Variants in PHYHIPL observed in about 807,000 individuals in gnomAD.
PHYHIPL encodes the protein phytanoyl-CoA hydroxylase-interacting protein-like.
In PHYHIPL, 9 loss-of-function variants were observed where a neutral mutation model predicts 33.4. The ratio of observed to expected loss-of-function variants is 0.27; its 90% CI spans 0.16 to 0.47. The LOEUF (loss-of-function observed/expected upper bound fraction) is 0.47. Among genes scored for constraint, PHYHIPL ranks in the 20% least tolerant of loss-of-function variants. The probability of loss-of-function intolerance (pLI) is 0.99; values close to 1 mark genes in which losing one functional copy is unlikely to be tolerated. For missense variants in PHYHIPL, 365 were observed against 460.7 expected, an observed-to-expected ratio of 0.79 and a Z score of 1.90; for synonymous variants, 153 against 154.1, an observed-to-expected ratio of 0.99 and a Z score of 0.05.
upstream of PHYHIPL, among the ~76,000 whole-genome samples, chr10:59,176,169 A>AG (rs1838244867): frequency 6.6e-6 from 1 of 152,248 alleles, no homozygotes; most frequent in South Asian, 2.1e-4. Context: ...TGGGACCTTC[A>AG]GGGGAGGAGG....
At chr10:59,219,887 G>T (rs556977217) in intron 1 of PHYHIPL, among the ~76,000 whole-genome samples, 76 of 152,144 alleles carry the variant, frequency 5.0e-4, no homozygotes, top group Admixed American at 2.2e-3. Flanking sequence ...ACAAAATACA[G>T]GTCCCTACTG....
At position 59,206,714 on chromosome 10, in the gene PHYHIPL, A is replaced by G. The variant is rs143793209; in HGVS notation, c.107-27590A>G. The G allele has an allele frequency of 1.4e-4, 132 of 967,064 alleles. No individual in the cohort carries two copies. The East Asian group carries it at 6.4e-3, about 47-fold the overall frequency. 59.9% of individuals were successfully genotyped at this position (967,064 alleles called of 1,614,324 possible). A position where few individuals can be genotyped will look rare whatever the true frequency, so the allele number is the denominator to read the frequency against. ...GGGAGACAGAAAATTGTAAAAGTAC[A>G]TAACTAAAAGCTGTTATGCATTTCT... On this transcript the variant is annotated intron_variant, in intron 1 of 4. Transcript: ENST00000373880.
At chr10:59,201,831 A>T (rs1216356493) in intron 1 of PHYHIPL, among the ~76,000 whole-genome samples, 1 of 152,192 alleles carries the variant, frequency 6.6e-6, no homozygotes, top group Non-Finnish European at 1.5e-5. Context: ...TTAAAGTTAT[A>T]AATATATTTG....
At chr10:59,201,978 T>C (rs994746608) in intron 1 of PHYHIPL, among the ~76,000 whole-genome samples, 4 of 151,960 alleles carry the variant, frequency 2.6e-5, no homozygotes, top group Admixed American at 6.6e-5. Context: ...GAAGGATAAA[T>C]AGAAGTTAGG....
rs1840163980 is a variant in PHYHIPL at position 59,234,348 on chromosome 10, C to T, written c.151C>T (p.Pro51Ser). 2 of 1,596,930 alleles carry T rather than the reference C, an allele frequency of 1.3e-6. No homozygotes were observed. Among genetic ancestry groups the T allele is most frequent in the Non-Finnish European group, 1.7e-6 (2 of 1,174,374 alleles). Residue 51 changes from proline (P) to serine (S), a missense_variant, in exon 2 of 5, where the codon CCT becomes TCT. Physicochemically the swap from Pro to Ser is moderately conservative, Grantham distance 74. Transcript: ENST00000373880. Reference sequence around the variant, plus strand: ...TGGCATAGCAGAGATGGAAGAACTTCCTGTACCACATAACATCAAAATAAG... The same window carrying T: ...TGGCATAGCAGAGATGGAAGAACTTTCTGTACCACATAACATCAAAATAAG... ...DSGIAEMEELPVPHNIKISNI... is the reference protein window; with the variant it reads ...DSGIAEMEELSVPHNIKISNI...
In PHYHIPL at chr10:59,236,505, C is replaced by T; in HGVS notation, c.326C>T (p.Ala109Val). Residue 109 changes from alanine (A) to valine (V), a missense_variant, in exon 3 of 5, where the codon GCA becomes GTA. Physicochemically the swap from Ala to Val is moderately conservative, Grantham distance 64. Coordinates refer to ENST00000373880, the MANE Select transcript of PHYHIPL (RefSeq NM_032439.4). ...KHKDVPTKLV[A>V]KAVPLPMTVR... The stretch of plus-strand genomic sequence containing the variant: ...TAGGATGTTCCCACAAAATTGGTGG[C>T]AAAAGCTGTTCCCTTGCCTATGACT... The T allele has an allele frequency of 6.3e-7, 1 of 1,597,374 alleles. No homozygotes were observed. The highest frequency in any genetic ancestry group is 8.5e-7 in the Non-Finnish European group (1 of 1,172,328).
At chr10:59,228,812 C>T (rs763045194) in intron 1 of PHYHIPL, among the ~76,000 whole-genome samples, 1 of 152,080 alleles carries the variant, frequency 6.6e-6, no homozygotes, top group Non-Finnish European at 1.5e-5. Flanking sequence ...CCATCATTAC[C>T]TTTGCAAACA....
At chr10:59,223,436 C>T (rs1008746169) in intron 1 of PHYHIPL, among the ~76,000 whole-genome samples, 1 of 152,110 alleles carries the variant, frequency 6.6e-6, no homozygotes, top group African/African-American at 2.4e-5. Flanking sequence ...CATTATACCT[C>T]AGTCCCACAC....
chr10:59,208,394 C>T (rs899032900), intron 1 of PHYHIPL, among the ~76,000 whole-genome samples: 7 of 152,032 alleles, frequency 4.6e-5, no homozygotes, highest in African/African-American at 9.7e-5. Flanking sequence ...ACAAAAAGGA[C>T]GTCCACACAG....
chr10:59,237,233 G>C (rs894012893), intron 3 of PHYHIPL, among the ~76,000 whole-genome samples: 2 of 151,758 alleles, frequency 1.3e-5, no homozygotes, highest in Non-Finnish European at 2.9e-5. Context: ...CCATTGTTTT[G>C]GGAGGTTTGA....
chr10:59,200,137 T>G (rs1007293659), intron 1 of PHYHIPL, among the ~76,000 whole-genome samples: 1 of 152,144 alleles, frequency 6.6e-6, no homozygotes, highest in Non-Finnish European at 1.5e-5. Context: ...CTTGTGCCAG[T>G]TTTCAAAGGG....
chr10:59,200,830 C>T (rs115779482), intron 1 of PHYHIPL, among the ~76,000 whole-genome samples: 5,061 of 152,242 alleles, frequency 0.033, 279 homozygotes, highest in African/African-American at 0.12. Context: ...CCTAGATTTT[C>T]GAGTTTATTT....
chr10:59,174,047 G>A (rs77029830), upstream of PHYHIPL, among the ~76,000 whole-genome samples: 4,033 of 140,782 alleles, frequency 0.029, 82 homozygotes, highest in South Asian at 0.061. Context: ...CCCTGTCTCC[G>A]CCCTGTTCAA....
At position 59,234,345 on chromosome 10, in the gene PHYHIPL, C is replaced by T; in HGVS notation, c.148C>T (p.Leu50Phe). The T allele has an allele frequency of 6.3e-7, 1 of 1,596,242 alleles. No individual in the cohort carries two copies. Among genetic ancestry groups the T allele is most frequent in the South Asian group, 1.1e-5 (1 of 87,660 alleles). Residue 50 changes from leucine to phenylalanine, a missense_variant, in exon 2 of 5, where the codon CTT becomes TTT. By Grantham distance (22) the Leu-to-Phe change is conservative (BLOSUM62 0). Around this residue, in one of 4 missense-constraint regions of PHYHIPL, gnomAD observed 89 missense variants for 78.3 expected, o/e 1.14. Coordinates refer to ENST00000373880, the MANE Select transcript of PHYHIPL (RefSeq NM_032439.4). Reference protein sequence around the residue: ...QDSGIAEMEELPVPHNIKISN... With the variant: ...QDSGIAEMEEFPVPHNIKISN... ...CAGTGGCATAGCAGAGATGGAAGAACTTCCTGTACCACATAACATCAAAAT... is the reference window on the plus strand; with the variant it reads ...CAGTGGCATAGCAGAGATGGAAGAATTTCCTGTACCACATAACATCAAAAT...
rs932943906 is a variant in PHYHIPL at position 59,207,399 on chromosome 10, C to G, written c.107-26905C>G. ...ATGAGGACCAGTGCACTCCGGCCCC[C>G]ATACTACACTTTTCCCACAGTCTTC... On this transcript the variant is annotated intron_variant, in intron 1 of 4. Transcript: ENST00000373880. Among the ~76,000 whole-genome samples, 5 of 152,156 alleles carry G rather than the reference C, an allele frequency of 3.3e-5. No individual in the cohort carries two copies. In the East Asian group the frequency reaches 9.7e-4, roughly 29 times the overall value.
chr10:59,209,102 G>C (rs1333593070), intron 1 of PHYHIPL, among the ~76,000 whole-genome samples: 1 of 151,944 alleles, frequency 6.6e-6, no homozygotes, highest in Non-Finnish European at 1.5e-5. Flanking sequence ...TCCTCGAGAA[G>C]AGCAACTCCA....
intron 1 of PHYHIPL, among the ~76,000 whole-genome samples, chr10:59,184,580 T>C (rs1338924879): frequency 6.6e-6 from 1 of 151,872 alleles, no homozygotes; most frequent in African/African-American, 2.4e-5. Flanking sequence ...AGATGGGTGG[T>C]CCCCTATACC....
At chr10:59,195,624 G>A (rs1044172404) in intron 1 of PHYHIPL, among the ~76,000 whole-genome samples, 2 of 152,174 alleles carry the variant, frequency 1.3e-5, no homozygotes, top group African/African-American at 4.8e-5. Context: ...CAGGGGAGAA[G>A]GGTAGGAGAA....
intron 1 of PHYHIPL, among the ~76,000 whole-genome samples, chr10:59,217,791 T>C (rs989250927): frequency 3.3e-5 from 5 of 152,204 alleles, no homozygotes; most frequent in African/African-American, 1.2e-4. Context: ...TACTTCCTAC[T>C]AAGTAGATGT....
Sources: gnomAD v4.1 joint callset for allele counts (sites outside exome capture counted in the v4.1 genomes callset) on GRCh38, gnomAD v4.1.1 for gene constraint, gnomAD v4.1.1 regional missense constraint, MANE v1.5 for transcripts, NCBI Gene and HGNC (gene_info 2026-07-23, HGNC 2026-07-21) for gene names.